DPYD: variants seen among roughly 807,000 people sequenced by gnomAD.
DPYD encodes the protein dihydropyrimidine dehydrogenase, also known as dihydropyrimidine dehydrogenase [NADP(+)].
DPYD carries 109 observed loss-of-function variants against 116.2 expected under a neutral mutation model. The observed-to-expected ratio is 0.94, with a 90% CI of 0.80 to 1.10. DPYD has a LOEUF of 1.10. Ranked by LOEUF, DPYD falls within the 50% of genes least tolerant of loss-of-function variation. The pLI is 0.00. For missense variants in DPYD, 1,302 were observed against 1,254.5 expected (o/e 1.04, Z -0.57); for synonymous variants, 440 against 432.0 (o/e 1.02, Z -0.23).
intron 8 of DPYD, among the ~76,000 whole-genome samples, chr1:97,657,778 TTAGAA>T (rs1440047409): frequency 6.6e-6 from 1 of 152,150 alleles, no homozygotes; most frequent in Non-Finnish European, 1.5e-5. Flanking sequence ...CGTGTTCCAA[TTAGAA>T]ATATATTTAT....
At position 97,696,123 on chromosome 1, in the gene DPYD, C is replaced by T. The variant is rs189799363; in HGVS notation, c.680+3228G>A. The stretch of plus-strand genomic sequence containing the variant: ...CCAGACTTGGTGACAGAGCCAGACT[C>T]TTTCAAAAAAAAAAGAAAGAAAAAA... On this transcript the variant is annotated intron_variant, in intron 6 of 22. Transcript: ENST00000370192. Among the ~76,000 whole-genome samples, 47 of 142,356 alleles carry T rather than the reference C, an allele frequency of 3.3e-4. No homozygotes were observed. The East Asian group carries it at 7.8e-3, about 24-fold the overall frequency. 93.4% of individuals were successfully genotyped at this position (142,356 alleles called of 152,430 possible).
At chr1:97,211,316 C>A (rs1557941702) in intron 19 of DPYD, among the ~76,000 whole-genome samples, 1 of 152,256 alleles carries the variant, frequency 6.6e-6, no homozygotes, top group South Asian at 2.1e-4. Context: ...GACGACTCCC[C>A]AGCCAGACAA....
chr1:97,740,139 T>C (rs1664181183), intron 4 of DPYD, among the ~76,000 whole-genome samples: 1 of 152,148 alleles, frequency 6.6e-6, no homozygotes, highest in South Asian at 2.1e-4. Flanking sequence ...TTTCAGTGTC[T>C]TGAATTTTAA....
intron 1 of DPYD, among the ~76,000 whole-genome samples, chr1:97,902,066 T>G (rs984353879): frequency 6.6e-6 from 1 of 151,838 alleles, no homozygotes; most frequent in African/African-American, 2.4e-5. Context: ...TTACTGAGTA[T>G]GATGACTGGC....
chr1:97,894,924 C>T (rs1672977266), intron 1 of DPYD, among the ~76,000 whole-genome samples: 2 of 151,472 alleles, frequency 1.3e-5, no homozygotes, highest in South Asian at 4.1e-4. Context: ...TATGAAAATA[C>T]ACGTTGGAAT....
At chr1:97,753,431 T>C (rs1181108220) in intron 3 of DPYD, among the ~76,000 whole-genome samples, 7 of 152,188 alleles carry the variant, frequency 4.6e-5, no homozygotes, top group African/African-American at 2.4e-5. Context: ...GATTCAGGAC[T>C]CTTATCCAGG....
At chr1:97,490,144 C>T (rs910659920) in intron 13 of DPYD, among the ~76,000 whole-genome samples, 5 of 151,748 alleles carry the variant, frequency 3.3e-5, no homozygotes, top group Non-Finnish European at 7.4e-5. Context: ...TAAAATACTG[C>T]CTGCCACATA....
intron 13 of DPYD, among the ~76,000 whole-genome samples, chr1:97,483,036 T>A (rs907722806): frequency 2.0e-5 from 3 of 152,196 alleles, no homozygotes; most frequent in African/African-American, 7.2e-5. Context: ...TTACTTGACT[T>A]TTCCCGAATC....
chr1:97,200,828 G>A (rs1311288710), intron 19 of DPYD, among the ~76,000 whole-genome samples: 1 of 152,184 alleles, frequency 6.6e-6, no homozygotes, highest in African/African-American at 2.4e-5. Flanking sequence ...GTTGGAGGCA[G>A]TGCTGGCAGA....
Position 97,681,872 on chromosome 1 carries a change from C to T in DPYD, c.763-2690G>A, listed in dbSNP as rs373981311. On this transcript the variant is annotated intron_variant, in intron 7 of 22. Coordinates refer to ENST00000370192, the MANE Select transcript of DPYD (RefSeq NM_000110.4). ...AGTATGCCATTTTCAAAGTTGAGCA[C>T]TGGAATGCCATGCCAATGAATTAAT... is the stretch of plus-strand genomic sequence containing the variant. Among the ~76,000 whole-genome samples the T allele has an allele frequency of 2.2e-3, 339 of 152,198 alleles. 5 individuals carry two copies. In the Middle Eastern group the frequency reaches 0.024, roughly 11 times the overall value.
At chr1:97,420,769 C>A (rs1378734225) in intron 14 of DPYD, among the ~76,000 whole-genome samples, 1 of 152,146 alleles carries the variant, frequency 6.6e-6, no homozygotes, top group African/African-American at 2.4e-5. Flanking sequence ...CATCACTCTG[C>A]TGGTAATGCC....
rs57316508 is a variant in DPYD at position 97,887,469 on chromosome 1, TAAAAAAAAA to T, written c.40-4104_40-4096del. 4.9e-4 allele frequency among the ~76,000 whole-genome samples: 23 copies of T among 47,140 alleles called. 1 individual carries two copies. In the South Asian group the frequency reaches 0.016, roughly 32 times the overall value. 30.9% of individuals were successfully genotyped at this position (47,140 alleles called of 152,430 possible). On this transcript the variant is annotated intron_variant, in intron 1 of 22. Coordinates refer to ENST00000370192, the MANE Select transcript of DPYD (RefSeq NM_000110.4). ...TGGGTGACAAAGTGAGACTCTGCAT[TAAAAAAAAA>T]AAAAAAAAAAAAAAAAAGTATATCC...
At chr1:97,198,650 T>C (rs1274451220) in intron 19 of DPYD, among the ~76,000 whole-genome samples, 2 of 152,170 alleles carry the variant, frequency 1.3e-5, no homozygotes, top group African/African-American at 4.8e-5. Context: ...TTATATGACA[T>C]CTCTTAATTG....
chr1:97,229,267 A>G (rs1661421393), intron 19 of DPYD, among the ~76,000 whole-genome samples: 1 of 150,126 alleles, frequency 6.7e-6, no homozygotes, highest in East Asian at 1.9e-4. Context: ...AAAAAGACGA[A>G]TAAAAAGAAA....
intron 16 of DPYD, 122 bp downstream of exon 16, chr1:97,373,439 C>T (rs1410269264): frequency 3.5e-5 from 28 of 789,538 alleles, no homozygotes; most frequent in Non-Finnish European, 4.8e-5. Context: ...ACAATGCAGA[C>T]CTGGAAGTCT....
chr1:97,613,246 G>A (rs896335408), intron 8 of DPYD, among the ~76,000 whole-genome samples: 1 of 151,920 alleles, frequency 6.6e-6, no homozygotes, highest in African/African-American at 2.4e-5. Flanking sequence ...TATTTGTACA[G>A]TCAAAAGATA....
intron 6 of DPYD, among the ~76,000 whole-genome samples, chr1:97,692,728 C>T (rs1289257858): frequency 6.6e-6 from 1 of 151,984 alleles, no homozygotes; most frequent in Non-Finnish European, 1.5e-5. Flanking sequence ...GAAGGATACA[C>T]AAAAGATAAT....
intron 11 of DPYD, among the ~76,000 whole-genome samples, chr1:97,558,256 A>G (rs920261358): frequency 2.0e-5 from 3 of 151,706 alleles, no homozygotes; most frequent in African/African-American, 7.3e-5. Flanking sequence ...TACCTCTACT[A>G]CTCCTAAGTT....
intron 2 of DPYD, among the ~76,000 whole-genome samples, chr1:97,841,613 A>T (rs1335471269): frequency 1.3e-5 from 2 of 152,014 alleles, no homozygotes; most frequent in African/African-American, 4.8e-5. Flanking sequence ...TGCTGAAATG[A>T]ATATCTGACA....
Sources: allele counts gnomAD v4.1 joint callset (sites outside exome capture counted in the v4.1 genomes callset), GRCh38; gene constraint gnomAD v4.1.1; transcripts MANE v1.5; gene names NCBI Gene and HGNC (gene_info 2026-07-23, HGNC 2026-07-21).